The following RGS7BP variants were observed in gnomAD, a reference collection of about 807,000 sequenced individuals.
RGS7BP encodes the protein regulator of G protein signaling 7-binding protein.
RGS7BP carries 9 observed loss-of-function variants against 31.3 expected under a neutral mutation model. That is an observed-to-expected ratio of 0.29 (90% CI 0.17 to 0.50). RGS7BP has a LOEUF of 0.50. Among genes scored for constraint, RGS7BP ranks in the 20% least tolerant of loss-of-function variants. The probability of loss-of-function intolerance (pLI) is 0.98; values close to 1 mark genes in which losing one functional copy is unlikely to be tolerated. For missense variants in RGS7BP, 274 were observed against 322.0 expected, an observed-to-expected ratio of 0.85 and a Z score of 1.14; for synonymous variants, 115 against 120.1, an observed-to-expected ratio of 0.96 and a Z score of 0.28.
At chr5:64,533,345 A>T (rs763666798) in intron 2 of RGS7BP, among the ~76,000 whole-genome samples, 43 of 152,342 alleles carry the variant, frequency 2.8e-4, no homozygotes, top group African/African-American at 1.0e-3. Flanking sequence ...CTAATGCTAG[A>T]TCTTCAGGTA....
intron 2 of RGS7BP, among the ~76,000 whole-genome samples, chr5:64,542,309 A>T (rs1286673761): frequency 1.3e-5 from 2 of 152,254 alleles, no homozygotes; most frequent in South Asian, 4.1e-4. Flanking sequence ...GCATTAGGAC[A>T]TGCTTTGGTT....
chr5:64,598,556 T>C (rs1247979818), intron 5 of RGS7BP, 121 bp downstream of exon 5: 2 of 716,748 alleles, frequency 2.8e-6, no homozygotes, highest in Non-Finnish European at 2.5e-6. Context: ...GAGCATTCAT[T>C]AGTCTTTCCT....
intron 2 of RGS7BP, among the ~76,000 whole-genome samples, chr5:64,571,118 T>A (rs1189817716): frequency 6.6e-6 from 1 of 152,148 alleles, no homozygotes; most frequent in African/African-American, 2.4e-5. Flanking sequence ...ACCTCTGTTC[T>A]AATATTTACC....
Position 64,598,393 on chromosome 5 carries a change from A to G in RGS7BP, c.640A>G (p.Ser214Gly). 6.2e-7 allele frequency: 1 copy of G among 1,604,774 alleles called. No individual in the cohort carries two copies. Among genetic ancestry groups the G allele is most frequent in the Non-Finnish European group, 8.5e-7 (1 of 1,171,572 alleles). Residue 214 changes from serine (S) to glycine (G), a missense_variant, in exon 5 of 6, where the codon AGC becomes GGC. This residue lies in a region of RGS7BP where 112 missense variants were observed against 130.9 expected (regional missense o/e 0.86). Transcript: ENST00000334025. The stretch of plus-strand genomic sequence containing the variant: ...CATGAGAGAAATGAAAAACCTTTTA[A>G]GCAAACTCAGGGAAACTATGCCTTT... ...RDMREMKNLL[S>G]KLRETMPLPL...
In RGS7BP at chr5:64,519,922, C is replaced by T. The variant is rs546283358; in HGVS notation, c.332+12045C>T. The stretch of plus-strand genomic sequence containing the variant: ...GTGGATGGGAGCTGAGATTATTTCA[C>T]CAACTCAAGAATGTCAGGACTGATA... On this transcript the variant is annotated intron_variant, in intron 2 of 5. Transcript: ENST00000334025. Among the ~76,000 whole-genome samples, 11 of 152,104 alleles carry T rather than the reference C, an allele frequency of 7.2e-5. No individual in the cohort carries two copies. The East Asian group carries it at 2.1e-3, about 29-fold the overall frequency.
chr5:64,579,660 C>T (rs149069287), intron 3 of RGS7BP, among the ~76,000 whole-genome samples: 15 of 150,764 alleles, frequency 9.9e-5, no homozygotes, highest in African/African-American at 3.7e-4. Context: ...GAAAATAAAG[C>T]ACTAGCAAAC....
intron 5 of RGS7BP, among the ~76,000 whole-genome samples, chr5:64,600,781 T>C (rs190156384): frequency 2.6e-5 from 4 of 152,316 alleles, no homozygotes; most frequent in Non-Finnish European, 5.9e-5. Flanking sequence ...TGACAATACA[T>C]CTCTGTTCTC....
At chr5:64,584,985 C>G (rs1159971174) in intron 3 of RGS7BP, among the ~76,000 whole-genome samples, 1 of 152,142 alleles carries the variant, frequency 6.6e-6, no homozygotes, top group Non-Finnish European at 1.5e-5. Flanking sequence ...AAAAAACAGC[C>G]TATACTTCCC....
Position 64,507,694 on chromosome 5 carries a change from AC to A in RGS7BP, c.166-16del. 1 of 1,552,548 alleles carries A rather than the reference AC, an allele frequency of 6.4e-7. No homozygotes were observed. Among genetic ancestry groups the A allele is most frequent in the Admixed American group, 2.1e-5 (1 of 48,538 alleles). The stretch of plus-strand genomic sequence containing the variant: ...AGAAATGTTTGGTAAAAAAAAAAAA[AC>A]TCACTTCTTTTCCAGCTTGTCCAAG... On this transcript the variant is annotated splice_polypyrimidine_tract_variant and intron_variant, in intron 1 of 5. Transcript: ENST00000334025.
chr5:64,549,020 G>A (rs980571906), intron 2 of RGS7BP, among the ~76,000 whole-genome samples: 2 of 152,030 alleles, frequency 1.3e-5, no homozygotes, highest in East Asian at 1.9e-4. Context: ...CTTCTCTCAC[G>A]CAAAATACAT....
chr5:64,568,813 A>G (rs1742233381), intron 2 of RGS7BP, among the ~76,000 whole-genome samples: 1 of 149,138 alleles, frequency 6.7e-6, no homozygotes, highest in Non-Finnish European at 1.5e-5. Flanking sequence ...TTAAATGTTT[A>G]AATATAGTTT....
At chr5:64,516,231 G>T (rs544966959) in intron 2 of RGS7BP, among the ~76,000 whole-genome samples, 6 of 152,158 alleles carry the variant, frequency 3.9e-5, no homozygotes, top group African/African-American at 1.4e-4. Context: ...TGAGCACAAG[G>T]GGAAATATAT....
At chr5:64,525,490 G>C (rs141674708) in intron 2 of RGS7BP, among the ~76,000 whole-genome samples, 1 of 152,220 alleles carries the variant, frequency 6.6e-6, no homozygotes, top group African/African-American at 2.4e-5. Flanking sequence ...TACTGAAAGG[G>C]TGGACCCCAC....
rs537871776 is a variant in RGS7BP, at chr5:64,545,004, C to T, written c.333-30770C>T. 4.6e-5 allele frequency among the ~76,000 whole-genome samples: 7 copies of T among 152,090 alleles called. No homozygotes were observed. The South Asian group carries it at 1.0e-3, about 23-fold the overall frequency. ...GTACTGGCCAACATGGCGAAAACCC[C>T]GTCTCTACTAAAAATACAAAAGTTA... On this transcript the variant is annotated intron_variant, in intron 2 of 5. Transcript: ENST00000334025.
At chr5:64,602,378 G>A (rs1743240836) in intron 5 of RGS7BP, among the ~76,000 whole-genome samples, 1 of 152,204 alleles carries the variant, frequency 6.6e-6, no homozygotes, top group African/African-American at 2.4e-5. Flanking sequence ...TGTGACGTAT[G>A]TAAACCAATC....
chr5:64,602,028 C>T (rs1040916536), intron 5 of RGS7BP, among the ~76,000 whole-genome samples: 22 of 152,120 alleles, frequency 1.4e-4, no homozygotes, highest in Non-Finnish European at 2.6e-4. Context: ...CAGGAATTGA[C>T]CTGGGCTAGA....
At chr5:64,515,781 G>C (rs1748957433) in intron 2 of RGS7BP, among the ~76,000 whole-genome samples, 2 of 151,152 alleles carry the variant, frequency 1.3e-5, no homozygotes, top group Non-Finnish European at 2.9e-5. Context: ...ATTGACTCTG[G>C]TTAGGATAAA....
intron 3 of RGS7BP, among the ~76,000 whole-genome samples, chr5:64,579,543 C>CAAAAAAAAAAAAA (rs34003776): frequency 1.9e-5 from 1 of 53,304 alleles, no homozygotes; most frequent in African/African-American, 8.4e-5. Context: ...GACTCCATCT[C>CAAAAAAAAAAAAA]AAAAAAAAAA....
In RGS7BP at chr5:64,579,321, G is replaced by A. The variant is rs556098745; in HGVS notation, c.463+3417G>A. ...AGCACTATGGGAGGCTGAGGTGGGC[G>A]GATCACGAGGTCAGGAGTTCAAGAC... On this transcript the variant is annotated intron_variant, in intron 3 of 5. Transcript: ENST00000334025. 8.5e-5 allele frequency among the ~76,000 whole-genome samples: 13 copies of A among 152,062 alleles called. 1 individual carries two copies. Among genetic ancestry groups the A allele is most frequent in the Admixed American group, 3.9e-4 (6 of 15,276 alleles).
Sources: allele counts gnomAD v4.1 joint callset (sites outside exome capture counted in the v4.1 genomes callset), GRCh38; gene constraint gnomAD v4.1.1; regional missense constraint gnomAD v4.1.1; transcripts MANE v1.5; gene names NCBI Gene and HGNC (gene_info 2026-07-23, HGNC 2026-07-21).